The following GPR55 variants were observed in gnomAD, a reference collection of about 807,000 sequenced individuals.
GPR55 encodes the protein G-protein coupled receptor 55.
Under a neutral mutation model 7.9 loss-of-function variants are expected in GPR55, and 6 were observed. That is an observed-to-expected ratio of 0.76 (90% CI 0.41 to 1.49). GPR55 has a LOEUF of 1.49. Ranked by LOEUF, GPR55 falls within the 40% of genes most tolerant of loss-of-function variation. The probability of loss-of-function intolerance (pLI) is 0.01; values close to 1 mark genes in which losing one functional copy is unlikely to be tolerated. For missense variants in GPR55, 376 were observed against 406.0 expected (o/e 0.93, Z 0.63); for synonymous variants, 183 against 166.8 (o/e 1.10, Z -0.75).
chr2:230,929,610 T>C (rs940358546), upstream of GPR55: 1 of 152,262 alleles, frequency 6.6e-6, no homozygotes, highest in African/African-American at 2.4e-5. Context: ...ACCAAGCTTC[T>C]CCCTGCAGTC....
upstream of GPR55, among the ~76,000 whole-genome samples, chr2:230,927,613 G>A (rs1440018054): frequency 2.0e-5 from 3 of 152,256 alleles, no homozygotes; most frequent in Non-Finnish European, 4.4e-5. Flanking sequence ...AGCCTGGGCA[G>A]GTCCCTGCCT....
chr2:230,920,007 A>AG (rs1690798405), intron 1 of GPR55, among the ~76,000 whole-genome samples: 1 of 151,672 alleles, frequency 6.6e-6, no homozygotes, highest in Non-Finnish European at 1.5e-5. Context: ...ACCTAAAAAA[A>AG]GATTTCTACA....
chr2:230,917,135 A>G (rs761439652), intron 1 of GPR55, among the ~76,000 whole-genome samples: 1 of 152,228 alleles, frequency 6.6e-6, no homozygotes, highest in East Asian at 1.9e-4. Context: ...TAAAAACTCA[A>G]TTGCGAGGGC....
intron 1 of GPR55, among the ~76,000 whole-genome samples, chr2:230,916,656 C>T (rs777095407): frequency 2.0e-5 from 3 of 151,490 alleles, no homozygotes; most frequent in Non-Finnish European, 2.9e-5. Context: ...ATAGTAAGTG[C>T]CTGGGGTGAA....
chr2:230,912,200 A>G lies in GPR55; in HGVS notation c.-134-1104T>C, dbSNP rs1690608362. Among the ~76,000 whole-genome samples, 5 of 152,278 alleles carry G rather than the reference A, an allele frequency of 3.3e-5. No homozygotes were observed. In the South Asian group the frequency reaches 1.0e-3, roughly 32 times the overall value. ...CACAGGGGCATGGCATGGAAAGGACATTTATGCCTGGCATCTTCCTTAACC... is the reference window on the plus strand; with the variant it reads ...CACAGGGGCATGGCATGGAAAGGACGTTTATGCCTGGCATCTTCCTTAACC... On this transcript the variant is annotated intron_variant, in intron 1 of 1. Transcript: ENST00000650999.
At chr2:230,947,886 T>G (rs1377353127) in intron 1 of GPR55, among the ~76,000 whole-genome samples, 1 of 152,128 alleles carries the variant, frequency 6.6e-6, no homozygotes, top group African/African-American at 2.4e-5. Flanking sequence ...TGCACCCAGC[T>G]ACAGCGAGGC....
chr2:230,951,863 A>T (rs919127408), intron 1 of GPR55, among the ~76,000 whole-genome samples: 3 of 151,178 alleles, frequency 2.0e-5, no homozygotes, highest in African/African-American at 7.3e-5. Flanking sequence ...GGCTCAGATG[A>T]TCCTCTTACC....
In GPR55 at chr2:230,910,868, A is replaced by G. The variant is rs761347722; in HGVS notation, c.95T>C (p.Val32Ala). ...CAGCAGGTTGAGGAGCAGGCCCAGG[A>G]CGAAGGTGGGGATGTGGACTGCAAA... Reference protein sequence around the residue: ...LQFAVHIPTFVLGLLLNLLAI... With the variant: ...LQFAVHIPTFALGLLLNLLAI... The change falls in exon 2 of 2, where the codon GTC becomes GCC. Residue 32 changes from valine to alanine, a missense_variant. Val to Ala is a moderately conservative substitution (Grantham distance 64, BLOSUM62 0). Transcript: ENST00000650999. The surrounding 1 kb of genome is among the most constrained non-coding windows in gnomAD (Gnocchi z 5.4). 6.2e-7 allele frequency: 1 copy of G among 1,614,186 alleles called. No individual in the cohort carries two copies. Among genetic ancestry groups the G allele is most frequent in the Non-Finnish European group, 8.5e-7 (1 of 1,180,030 alleles).
chr2:230,957,482 G>T, intron 1 of GPR55: 1 of 353,404 alleles, frequency 2.8e-6, no homozygotes, highest in Admixed American at 4.0e-5. Context: ...AGAACAGCGC[G>T]TGATTTAAAA....
chr2:230,946,102 G>A (rs558424948), intron 1 of GPR55, among the ~76,000 whole-genome samples: 2 of 152,280 alleles, frequency 1.3e-5, no homozygotes, highest in African/African-American at 4.8e-5. Flanking sequence ...AGTGAAATAA[G>A]CCAGACTCAG....
chr2:230,911,279 G>A (rs1219943534), intron 1 of GPR55, among the ~76,000 whole-genome samples, 183 bp from the exon 2 acceptor site: 1 of 152,182 alleles, frequency 6.6e-6, no homozygotes, highest in African/African-American at 2.4e-5. Context: ...AACTCCTTTT[G>A]TTGAAAGAAG....
chr2:230,919,480 C>T (rs1317639993), intron 1 of GPR55, among the ~76,000 whole-genome samples: 1 of 152,058 alleles, frequency 6.6e-6, no homozygotes, highest in African/African-American at 2.4e-5. Flanking sequence ...AGGCAGTTCC[C>T]AGAAGAGGAT....
rs773935317 is a variant in GPR55 at position 230,915,823 on chromosome 2, TC to T, written c.-134-4728del. On this transcript the variant is annotated intron_variant, in intron 1 of 1. Transcript: ENST00000650999. ...AAGATCTGGGTGCAAGAATTTCGTA[TC>T]CAACCAGGCGTTCTTCTGGTTGGAA... 4.4e-4 allele frequency among the ~76,000 whole-genome samples: 62 copies of T among 141,490 alleles called. 3 individuals are homozygous for T. The highest frequency in any genetic ancestry group is 3.7e-3 in the East Asian group (18 of 4,884). 92.8% of individuals were successfully genotyped at this position (141,490 alleles called of 152,430 possible).
Position 230,935,333 on chromosome 2 carries a change from T to C in GPR55, c.-134-24237A>G, listed in dbSNP as rs149287236. Among the ~76,000 whole-genome samples, 965 of 152,282 alleles carry C rather than the reference T, an allele frequency of 6.3e-3. 14 individuals are homozygous for C. Among genetic ancestry groups the C allele is most frequent in the South Asian group, 0.044 (212 of 4,820 alleles). ...GCCCCAGCGCAGCCTCCTGTCTGGA[T>C]GAGGGGCCCAGGAAGCGAAGGCTGA... On this transcript the variant is annotated intron_variant, in intron 1 of 1. Transcript: ENST00000392039.
Position 230,908,464 on chromosome 2 carries a change from C to A in GPR55, c.*1539G>T. The stretch of plus-strand genomic sequence containing the variant: ...CAGGTTCCCCACCCACCCTGCACTC[C>A]CTGCAGGCTTCAAGCCTAGGGCCAC... On this transcript the variant is annotated 3_prime_UTR_variant, in exon 2 of 2. Transcript: ENST00000650999. 6.5e-6 allele frequency: 1 copy of A among 153,662 alleles called. No homozygotes were observed. 9.5% of individuals were successfully genotyped at this position (153,662 alleles called of 1,614,324 possible). A position where few individuals can be genotyped will look rare whatever the true frequency, so the allele number is the denominator to read the frequency against.
chr2:230,958,119 G>C (rs1334142458), intron 1 of GPR55, among the ~76,000 whole-genome samples: 1 of 152,204 alleles, frequency 6.6e-6, no homozygotes, highest in Non-Finnish European at 1.5e-5. Context: ...TATTTGTGGA[G>C]TTTTAAATTT....
At chr2:230,943,032 G>C (rs1691258003) in intron 1 of GPR55, among the ~76,000 whole-genome samples, 1 of 148,836 alleles carries the variant, frequency 6.7e-6, no homozygotes, top group East Asian at 2.7e-4. Context: ...GAAGAGGAGA[G>C]AAGAGACGAG....
chr2:230,942,522 C>T (rs1028957932), intron 1 of GPR55, among the ~76,000 whole-genome samples: 4 of 152,070 alleles, frequency 2.6e-5, no homozygotes, highest in East Asian at 1.9e-4. Flanking sequence ...GGGGGGAGAG[C>T]GGCAGGGGGC....
intron 1 of GPR55, among the ~76,000 whole-genome samples, chr2:230,940,770 G>A (rs915275269): frequency 7.9e-5 from 12 of 152,216 alleles, no homozygotes; most frequent in Admixed American, 5.9e-4. Flanking sequence ...GCCTGCCCTG[G>A]GTGGGAAACG....
Sources: allele counts gnomAD v4.1 joint callset (sites outside exome capture counted in the v4.1 genomes callset), GRCh38; gene constraint gnomAD v4.1.1; non-coding constraint Gnocchi (gnomAD v3.1); transcripts MANE v1.5; gene names NCBI Gene and HGNC (gene_info 2026-07-23, HGNC 2026-07-21).